Variants in SCAF4 observed in about 807,000 individuals in gnomAD.
The protein encoded by SCAF4 is SR-related CTD associated factor 4.
A neutral mutation model predicts 129.8 loss-of-function variants in SCAF4; 25 were observed. The observed-to-expected ratio is 0.19, with a 90% CI of 0.14 to 0.27. The LOEUF (loss-of-function observed/expected upper bound fraction) is 0.27. Ranked by LOEUF, SCAF4 falls within the 10% of genes least tolerant of loss-of-function variation. The pLI is 1.00. For synonymous variants in SCAF4, 551 were observed against 497.7 expected (o/e 1.11, Z -1.43); for missense variants, 1,246 against 1,457.1 (o/e 0.86, Z 2.36).
At chr21:31,721,271 T>C (rs2051060369) in intron 1 of SCAF4, among the ~76,000 whole-genome samples, 1 of 152,218 alleles carries the variant, frequency 6.6e-6, no homozygotes. Context: ...TTGGACTTAT[T>C]TCAACTGATC....
At chr21:31,700,853 T>C (rs764580725) in intron 7 of SCAF4, 142 bp downstream of exon 7, 7 of 955,598 alleles carry the variant, frequency 7.3e-6, no homozygotes, top group African/African-American at 1.6e-5. Context: ...AAATAATCGA[T>C]GTTTTCTTGT....
chr21:31,728,697 C>A (rs2051270154), intron 1 of SCAF4, among the ~76,000 whole-genome samples: 1 of 151,954 alleles, frequency 6.6e-6, no homozygotes, highest in Non-Finnish European at 1.5e-5. Context: ...ATATTAATTC[C>A]TTTTTCTCCC....
At chr21:31,725,167 A>G (rs1032896630) in intron 1 of SCAF4, among the ~76,000 whole-genome samples, 1 of 152,184 alleles carries the variant, frequency 6.6e-6, no homozygotes, top group African/African-American at 2.4e-5. Flanking sequence ...CTGGTCCTCT[A>G]CATCTTTTCC....
chr21:31,715,875 T>C (rs940545346), intron 1 of SCAF4, among the ~76,000 whole-genome samples: 7 of 152,210 alleles, frequency 4.6e-5, no homozygotes, highest in African/African-American at 1.4e-4. Flanking sequence ...TACAATACCT[T>C]TCTGAAATAT....
intron 1 of SCAF4, chr21:31,712,766 T>C (rs559883655): frequency 3.3e-4 from 95 of 291,788 alleles, no homozygotes; most frequent in Non-Finnish European, 4.1e-4. Context: ...CTGACCTCAG[T>C]TGATCCACCC....
intron 1 of SCAF4, among the ~76,000 whole-genome samples, chr21:31,724,243 A>G (rs1227773009): frequency 6.6e-6 from 1 of 152,216 alleles, no homozygotes; most frequent in Non-Finnish European, 1.5e-5. Context: ...ATATTAACAC[A>G]GAAATGTAGA....
Position 31,702,287 on chromosome 21 carries a change from G to A in SCAF4, c.414C>T (p.Thr138=). The A allele has an allele frequency of 6.2e-7, 1 of 1,614,048 alleles. No individual in the cohort carries two copies. The highest frequency in any genetic ancestry group is 8.5e-7 in the Non-Finnish European group (1 of 1,179,980). ...TTTCTGCTACTGGGGCTGCATTACT[G>A]GTTCCCGCTGCCATGTCCAAAAGAG... ...IQPLLDMAAG[T]SNAAPVAENV... Residue 138 remains threonine (T), a synonymous_variant, in exon 5 of 20, where the codon ACC becomes ACT. Coordinates refer to ENST00000286835, the MANE Select transcript of SCAF4 (RefSeq NM_020706.2).
intron 2 of SCAF4, among the ~76,000 whole-genome samples, chr21:31,705,803 T>C (rs2050644734): frequency 1.3e-5 from 2 of 152,206 alleles, no homozygotes; most frequent in Non-Finnish European, 2.9e-5. Flanking sequence ...CATTTTAAAG[T>C]GTGATTTTGG....
intron 6 of SCAF4, 21 bp from the exon 7 acceptor site, chr21:31,701,192 A>G (rs1195386600): frequency 2.2e-5 from 33 of 1,533,512 alleles, no homozygotes; most frequent in Non-Finnish European, 2.9e-5. Flanking sequence ...GGGAAAACCA[A>G]TAAATCACAG....
chr21:31,685,050 A>G lies in SCAF4; in HGVS notation c.2487T>C (p.Leu829=), dbSNP rs1424501855. 11 of 1,595,728 alleles carry G rather than the reference A, an allele frequency of 6.9e-6. No individual in the cohort carries two copies. Among genetic ancestry groups the G allele is most frequent in the Non-Finnish European group, 8.6e-6 (10 of 1,164,834 alleles). The change falls in exon 19 of 20, where the codon CTT becomes CTC. Residue 829 remains leucine, a splice_region_variant and synonymous_variant. Transcript: ENST00000286835. The part of the protein sequence containing the change: ...TPPVTQPVSL[L]GTQGVAPGPV... Reference sequence around the variant, plus strand: ...TAATGATAAAAAAAAATAACTTACCAAGAAGTGAAACAGGCTGGGTTACAG... The same window carrying G: ...TAATGATAAAAAAAAATAACTTACCGAGAAGTGAAACAGGCTGGGTTACAG...
chr21:31,676,100 GTTGCAGAGGATT>G (rs949065365), intron 19 of SCAF4, among the ~76,000 whole-genome samples: 7 of 152,288 alleles, frequency 4.6e-5, no homozygotes, highest in African/African-American at 7.2e-5. Context: ...AACTGCATCA[GTTGCAGAGGATT>G]TTGCAGAGGA....
In SCAF4 at chr21:31,703,840, A is replaced by G; in HGVS notation, c.246T>C (p.Asp82=). The G allele has an allele frequency of 4.4e-6, 7 of 1,601,004 alleles. 1 individual carries two copies. The highest frequency in any genetic ancestry group is 2.2e-5 in the South Asian group (2 of 89,812). ...TTTTAGAGAATCTTGGCCCAAAAACATCTTTATCAGTTCCAAACTGATGAC... is the reference window on the plus strand; with the variant it reads ...TTTTAGAGAATCTTGGCCCAAAAACGTCTTTATCAGTTCCAAACTGATGAC... The part of the protein sequence containing the change: ...QSRHQFGTDK[D]VFGPRFSKNI... The change falls in exon 4 of 20, where the codon GAT becomes GAC. Residue 82 remains aspartate, a synonymous_variant. Coordinates refer to ENST00000286835, the MANE Select transcript of SCAF4 (RefSeq NM_020706.2).
chr21:31,723,385 G>A (rs983343727), intron 1 of SCAF4, among the ~76,000 whole-genome samples: 5 of 151,800 alleles, frequency 3.3e-5, no homozygotes, highest in African/African-American at 7.3e-5. Flanking sequence ...CCCAGGAAAC[G>A]GAGGTTGCTA....
chr21:31,704,733 T>C (rs1034154658), intron 3 of SCAF4, among the ~76,000 whole-genome samples: 2 of 152,172 alleles, frequency 1.3e-5, no homozygotes, highest in African/African-American at 4.8e-5. Flanking sequence ...AATATTGCAG[T>C]TAATTTGTTG....
rs774755778 is a variant in SCAF4, at chr21:31,685,200, T to C, written c.2337A>G (p.Leu779=). 1 of 1,611,932 alleles carries C rather than the reference T, an allele frequency of 6.2e-7. No individual in the cohort carries two copies. The part of the protein sequence containing the change: ...AGINEDTTKD[L]SIGNPIPTVV... ...CTGTTGGAATGGGATTTCCAATAGA[T>C]AAGTCTTTTGTAGTGTCTTCATTTA... is the stretch of plus-strand genomic sequence containing the variant. Residue 779 remains leucine, a synonymous_variant, in exon 19 of 20, where the codon TTA becomes TTG. Transcript: ENST00000286835.
intron 19 of SCAF4, among the ~76,000 whole-genome samples, chr21:31,675,641 C>T (rs1039250729): frequency 5.3e-5 from 8 of 152,168 alleles, no homozygotes; most frequent in African/African-American, 1.9e-4. Flanking sequence ...ATTTTTAATA[C>T]AGCGAGGCAT....
chr21:31,683,819 C>T (rs2050051962), intron 19 of SCAF4, among the ~76,000 whole-genome samples: 1 of 152,066 alleles, frequency 6.6e-6, no homozygotes, highest in Admixed American at 6.5e-5. Flanking sequence ...TAAGCAACTT[C>T]CTCATTAAAC....
chr21:31,706,505 A>G, intron 1 of SCAF4, 148 bp from the exon 2 acceptor site: 1 of 611,838 alleles, frequency 1.6e-6, no homozygotes, highest in Non-Finnish European at 2.9e-6. Flanking sequence ...CAGCAGGAAG[A>G]GCTTTGGTGG....
chr21:31,695,455 A>C (rs17660895), intron 9 of SCAF4, among the ~76,000 whole-genome samples: 1,600 of 152,352 alleles, frequency 0.011, 14 homozygotes, highest in Non-Finnish European at 0.016. Context: ...AAAGTATCAT[A>C]ATAATAATGA....
Sources: allele counts gnomAD v4.1 joint callset (sites outside exome capture counted in the v4.1 genomes callset), GRCh38; gene constraint gnomAD v4.1.1; transcripts MANE v1.5; gene names NCBI Gene and HGNC (gene_info 2026-07-23, HGNC 2026-07-21).